The following HERC1 variants were observed in gnomAD, a reference collection of about 807,000 sequenced individuals.
HERC1 encodes HECT and RLD domain containing E3 ubiquitin protein ligase family member 1.
HERC1 carries 160 observed loss-of-function variants against 554.3 expected under a neutral mutation model. The observed-to-expected ratio is 0.29, with a 90% CI of 0.25 to 0.33. The LOEUF is 0.33. HERC1 is among the 10% of genes least tolerant of loss of function. The pLI is 1.00. For missense variants in HERC1, 4,919 were observed against 5,918.5 expected, an observed-to-expected ratio of 0.83 and a Z score of 5.54; for synonymous variants, 2,175 against 2,131.7, an observed-to-expected ratio of 1.02 and a Z score of -0.56.
chr15:63,690,166 CAAAAAAAAA>C (rs373716359), intron 32 of HERC1, among the ~76,000 whole-genome samples: 4 of 77,860 alleles, frequency 5.1e-5, no homozygotes, highest in Non-Finnish European at 1.0e-4. Flanking sequence ...GACTCCATCT[CAAAAAAAAA>C]AAAAAAAAAA....
At chr15:63,783,052 C>T (rs1230959641) in intron 1 of HERC1, among the ~76,000 whole-genome samples, 1 of 152,158 alleles carries the variant, frequency 6.6e-6, no homozygotes, top group Non-Finnish European at 1.5e-5. Context: ...GGTGAAGATG[C>T]TGTGAATATT....
chr15:63,650,645 GAATGTACA>G (rs1334019689), intron 53 of HERC1, among the ~76,000 whole-genome samples: 1 of 152,092 alleles, frequency 6.6e-6, no homozygotes, highest in African/African-American at 2.4e-5. Context: ...GAAAAACACT[GAATGTACA>G]AATGTACAAA....
Position 63,752,810 on chromosome 15 carries a change from TACTTCA to T in HERC1, c.1902+142_1902+147del, listed in dbSNP as rs1044026029. 4.6e-5 allele frequency: 34 copies of T among 734,356 alleles called. No homozygotes were observed. The African/African-American group carries it at 5.7e-4, about 12-fold the overall frequency. 45.5% of individuals were successfully genotyped at this position (734,356 alleles called of 1,614,324 possible). ...AAACCTGGTTCCTTCTCAGATACTC[TACTTCA>T]AACAGAAGAAGATATTTCATTTTAG... On this transcript the variant is annotated intron_variant, in intron 8 of 77. Transcript: ENST00000443617.
chr15:63,817,625 G>C (rs1336458140), intron 1 of HERC1, among the ~76,000 whole-genome samples: 3 of 152,164 alleles, frequency 2.0e-5, no homozygotes, highest in Non-Finnish European at 2.9e-5. Flanking sequence ...TGAGGCACGA[G>C]AGTCGCTTGA....
chr15:63,786,934 T>A (rs184852605), intron 1 of HERC1, among the ~76,000 whole-genome samples: 8 of 149,472 alleles, frequency 5.4e-5, no homozygotes, highest in South Asian at 2.1e-4. Flanking sequence ...TTTTTTTTTT[T>A]ATTTTTTGAG....
rs1244662189 is a variant in HERC1 at position 63,644,258 on chromosome 15, A to G, written c.11185-708T>C. On this transcript the variant is annotated intron_variant, in intron 57 of 77. Transcript: ENST00000443617. Reference sequence around the variant, plus strand: ...AAAGTGTATTTCTTCCAAGGGTATCATGAGCAAAAGGAAGGCAACAGAATG... The same window carrying G: ...AAAGTGTATTTCTTCCAAGGGTATCGTGAGCAAAAGGAAGGCAACAGAATG... Among the ~76,000 whole-genome samples the G allele has an allele frequency of 2.0e-5, 3 of 152,368 alleles. No homozygotes were observed. In the East Asian group the frequency reaches 5.8e-4, roughly 29 times the overall value.
chr15:63,680,198 T>C lies in HERC1; in HGVS notation c.6466-38A>G, dbSNP rs1595957575. 15 of 1,527,256 alleles carry C rather than the reference T, an allele frequency of 9.8e-6. No homozygotes were observed. The East Asian group carries it at 3.2e-4, about 32-fold the overall frequency. 94.6% of individuals were successfully genotyped at this position (1,527,256 alleles called of 1,614,324 possible). A position where few individuals can be genotyped will look rare whatever the true frequency, so the allele number is the denominator to read the frequency against. ...AGCAGTGAGGAAAAGAAAAAGGAAA[T>C]AGAAATTTTTTTAATTCACAATATC... On this transcript the variant is annotated intron_variant, in intron 35 of 77. Coordinates refer to ENST00000443617, the MANE Select transcript of HERC1 (RefSeq NM_003922.4). The surrounding 1 kb of genome is among the most constrained non-coding windows in gnomAD (Gnocchi z 5.8).
chr15:63,655,896 T>A lies in HERC1; in HGVS notation c.9930A>T (p.Arg3310=). 1 of 1,612,894 alleles carries A rather than the reference T, an allele frequency of 6.2e-7. No homozygotes were observed. The highest frequency in any genetic ancestry group is 1.3e-5 in the African/African-American group (1 of 75,054). ...CTCGGAGAAAGCTGGGTAGAAACTT[T>A]CGCTGAATTGAGTCATCAACTGTGG... ...NLTTVDDSIQ[R]KFLPSFLRGI... is the part of the protein sequence containing the mutation. Residue 3310 remains arginine (R), a synonymous_variant, in exon 50 of 78, where the codon CGA becomes CGT. Transcript: ENST00000443617.
chr15:63,787,380 C>T (rs1466240447), intron 1 of HERC1, among the ~76,000 whole-genome samples: 4 of 150,808 alleles, frequency 2.7e-5, no homozygotes, highest in Admixed American at 6.6e-5. Flanking sequence ...TGGTCTCAAA[C>T]GCCTGACCTC....
rs1337500934 is a variant in HERC1, at chr15:63,654,221, A to G, written c.10188T>C (p.Ala3396=). The change falls in exon 51 of 78, where the codon GCT becomes GCC. Residue 3396 remains alanine (A), a synonymous_variant. Coordinates refer to ENST00000443617, the MANE Select transcript of HERC1 (RefSeq NM_003922.4). The part of the protein sequence containing the change: ...WAAQQLVRTL[A]AHDRDNQTTL... ...TAGTTTGGTTGTCACGGTCGTGTGCAGCAAGAGTGCGCACGAGTTGCTGAG... is the reference window on the plus strand; with the variant it reads ...TAGTTTGGTTGTCACGGTCGTGTGCGGCAAGAGTGCGCACGAGTTGCTGAG... 1.2e-6 allele frequency: 2 copies of G among 1,613,934 alleles called. No homozygotes were observed. The highest frequency in any genetic ancestry group is 3.3e-5 in the Admixed American group (2 of 60,016).
At chr15:63,611,747 T>C (rs1307367610) in intron 77 of HERC1, among the ~76,000 whole-genome samples, 1 of 152,258 alleles carries the variant, frequency 6.6e-6, no homozygotes, top group Non-Finnish European at 1.5e-5. Context: ...CACTTAGGAC[T>C]CTTCCCACTG....
Position 63,706,817 on chromosome 15 carries a change from A to G in HERC1, c.4599T>C (p.Asn1533=). 6.5e-7 allele frequency: 1 copy of G among 1,542,064 alleles called. No individual in the cohort carries two copies. The highest frequency in any genetic ancestry group is 8.8e-7 in the Non-Finnish European group (1 of 1,139,598). The stretch of plus-strand genomic sequence containing the variant: ...GAGATGCTGCCAAATCCAAATCAAC[A>G]TTTCGTCTGCCACTCTATTAAAAGT... ...EEGYALSGRR[N]VDLDLAASHR... The change falls in exon 25 of 78, where the codon AAT becomes AAC. Residue 1533 remains asparagine, a synonymous_variant. Transcript: ENST00000443617.
At chr15:63,785,485 T>C (rs1408613828) in intron 1 of HERC1, among the ~76,000 whole-genome samples, 1 of 151,794 alleles carries the variant, frequency 6.6e-6, no homozygotes, top group Non-Finnish European at 1.5e-5. Context: ...TTAAGAATAT[T>C]AGGCTGGGCA....
In HERC1 at chr15:63,775,556, T is replaced by C. The variant is rs2076087932; in HGVS notation, c.68A>G (p.Glu23Gly). 2 of 1,613,388 alleles carry C rather than the reference T, an allele frequency of 1.2e-6. No homozygotes were observed. Among genetic ancestry groups the C allele is most frequent in the Non-Finnish European group, 1.7e-6 (2 of 1,179,650 alleles). The change falls in exon 2 of 78, where the codon GAG becomes GGG. Residue 23 changes from glutamate to glycine, a missense_variant. Coordinates refer to ENST00000443617, the MANE Select transcript of HERC1 (RefSeq NM_003922.4). This position sits in a 1 kb window ranked among gnomAD's most constrained non-coding sequence, Gnocchi z 4.0. ...TCTTGTAGCAATAGATTCACTGTCC[T>C]CTGTAATCCAGGAGCTGTTCAAGTG... ...LEHLNSSWIT[E>G]DSESIATREG...
Position 63,767,758 on chromosome 15 carries a change from T to C in HERC1, c.931-3567A>G, listed in dbSNP as rs527505219. Among the ~76,000 whole-genome samples, 48 of 152,276 alleles carry C rather than the reference T, an allele frequency of 3.2e-4. 1 individual carries two copies. Among genetic ancestry groups the C allele is most frequent in the Admixed American group, 2.6e-3 (39 of 15,288 alleles). On this transcript the variant is annotated intron_variant, in intron 2 of 77. Transcript: ENST00000443617. ...CTCAAATCAATGAAATGTCAATCAC[T>C]TTGGAGAGTTCTCCGAAGAGCTGAG...
intron 50 of HERC1, among the ~76,000 whole-genome samples, chr15:63,654,800 C>T (rs371633991): frequency 1.0e-4 from 15 of 150,074 alleles, no homozygotes; most frequent in Admixed American, 4.7e-4. Flanking sequence ...AGCTGGGAGA[C>T]GGAGGTTGCG....
At chr15:63,713,698 C>A (rs1487624292) in intron 22 of HERC1, 33 bp from the exon 23 acceptor site, 1 of 1,554,664 alleles carries the variant, frequency 6.4e-7, no homozygotes, top group Non-Finnish European at 8.8e-7. Flanking sequence ...AAGGTCTTAA[C>A]ACATGGGGAG....
intron 22 of HERC1, among the ~76,000 whole-genome samples, chr15:63,714,601 G>A (rs2073459500): frequency 7.3e-6 from 1 of 137,138 alleles, no homozygotes; most frequent in African/African-American, 2.7e-5. Context: ...CCGGGCTGGA[G>A]TGCAGTGGCA....
chr15:63,767,449 C>T (rs899304383), intron 2 of HERC1, among the ~76,000 whole-genome samples: 26 of 152,054 alleles, frequency 1.7e-4, no homozygotes, highest in African/African-American at 5.6e-4. Context: ...CAAATATCCC[C>T]AGCACTTTGG....
Sources: gnomAD v4.1 joint callset for allele counts (sites outside exome capture counted in the v4.1 genomes callset) on GRCh38, gnomAD v4.1.1 for gene constraint, Gnocchi (gnomAD v3.1) non-coding constraint, MANE v1.5 for transcripts, NCBI Gene and HGNC (gene_info 2026-07-23, HGNC 2026-07-21) for gene names.